Variants in UNC5B observed in about 807,000 individuals in gnomAD.
UNC5B encodes netrin receptor UNC5B.
UNC5B carries 56 observed loss-of-function variants against 103.7 expected under a neutral mutation model. The observed-to-expected ratio is 0.54, with a 90% CI of 0.44 to 0.67. UNC5B has a LOEUF of 0.67. Ranked by LOEUF, UNC5B falls within the 30% of genes least tolerant of loss-of-function variation. The pLI is 0.00. For synonymous variants in UNC5B, 577 were observed against 542.0 expected (o/e 1.06, Z -0.90); for missense variants, 1,194 against 1,284.5 (o/e 0.93, Z 1.08).
chr10:71,272,262 C>T (rs989576143), intron 1 of UNC5B, among the ~76,000 whole-genome samples: 1 of 152,068 alleles, frequency 6.6e-6, no homozygotes. Context: ...CAGCGTGGGG[C>T]GTTTCTCTGT....
chr10:71,273,994 G>A (rs1204609372), intron 1 of UNC5B, among the ~76,000 whole-genome samples: 2 of 152,218 alleles, frequency 1.3e-5, no homozygotes, highest in African/African-American at 4.8e-5. Flanking sequence ...AAGACAGACT[G>A]GGGGACCAGG....
chr10:71,292,452 T>C lies in UNC5B; in HGVS notation c.1685-15T>C. 6.3e-7 allele frequency: 1 copy of C among 1,579,848 alleles called. No individual in the cohort carries two copies. Among genetic ancestry groups the C allele is most frequent in the East Asian group, 2.3e-5 (1 of 43,974 alleles). On this transcript the variant is annotated splice_polypyrimidine_tract_variant and intron_variant, in intron 10 of 16. Coordinates refer to ENST00000335350, the MANE Select transcript of UNC5B (RefSeq NM_170744.5). ...TAAGCTCCTGGACTCCCTGCTGACT[T>C]CCCTCTCCCCCTAGGGGTCAGCTTG...
chr10:71,222,365 C>T (rs1843470128), intron 1 of UNC5B, among the ~76,000 whole-genome samples: 1 of 152,184 alleles, frequency 6.6e-6, no homozygotes, highest in African/African-American at 2.4e-5. Flanking sequence ...CCAGAGGTGG[C>T]TCACTCTCTG....
rs564733466 is a variant in UNC5B at position 71,290,790 on chromosome 10, C to T, written c.1100-125C>T. 26 of 1,206,456 alleles carry T rather than the reference C, an allele frequency of 2.2e-5. No individual in the cohort carries two copies. The South Asian group carries it at 3.9e-4, about 18-fold the overall frequency. The allele number at this position is 1,206,456 out of a possible 1,614,324, so 74.7% of individuals were successfully genotyped here. A position where few individuals can be genotyped will look rare whatever the true frequency, so the allele number is the denominator to read the frequency against. On this transcript the variant is annotated intron_variant, in intron 8 of 16. Transcript: ENST00000335350. ...GTTGCCAGCCTGTGTAGGCAGGGCT[C>T]AGACTGGAACTCAGCACCGGGCCGG...
chr10:71,259,692 C>T (rs1844370362), intron 1 of UNC5B, among the ~76,000 whole-genome samples: 1 of 152,146 alleles, frequency 6.6e-6, no homozygotes, highest in Non-Finnish European at 1.5e-5. Flanking sequence ...CTGGGAGATT[C>T]CTGTGGATTG....
intron 1 of UNC5B, among the ~76,000 whole-genome samples, chr10:71,224,893 G>A (rs1357686664): frequency 4.6e-5 from 7 of 152,216 alleles, no homozygotes; most frequent in Admixed American, 4.6e-4. Flanking sequence ...GTACAGTAGG[G>A]TTATCCTACA....
chr10:71,255,456 C>T (rs572554704), intron 1 of UNC5B, among the ~76,000 whole-genome samples: 107 of 152,234 alleles, frequency 7.0e-4, no homozygotes, highest in Non-Finnish European at 1.8e-4. Context: ...CAAATGTCAC[C>T]GGCTGTCACT....
At position 71,291,000 on chromosome 10, in the gene UNC5B, G is replaced by C. The variant is rs768579657; in HGVS notation, c.1185G>C (p.Gly395=). ...TCGTGGCAATCCTCATGGCGGTGGG[G>C]GTGGTGGTGTACCGCCGCAACTGCC... ...FVVVAILMAV[G]VVVYRRNCRD... is the part of the protein sequence containing the mutation. Residue 395 remains glycine, a synonymous_variant, in exon 9 of 17, where the codon GGG becomes GGC. Coordinates refer to ENST00000335350, the MANE Select transcript of UNC5B (RefSeq NM_170744.5). 6 of 1,613,956 alleles carry C rather than the reference G, an allele frequency of 3.7e-6. No homozygotes were observed. Among genetic ancestry groups the C allele is most frequent in the Non-Finnish European group, 5.1e-6 (6 of 1,180,014 alleles).
At chr10:71,234,254 C>T (rs965142493) in intron 1 of UNC5B, among the ~76,000 whole-genome samples, 1 of 152,196 alleles carries the variant, frequency 6.6e-6, no homozygotes. Context: ...TGCCCTTGGC[C>T]CGCACTTGAC....
At chr10:71,296,104 C>A (rs1845405602) in intron 14 of UNC5B, 144 bp downstream of exon 14, 18 of 1,235,762 alleles carry the variant, frequency 1.5e-5, no homozygotes, top group Non-Finnish European at 2.0e-5. Context: ...TCCTCCCACC[C>A]CAGTCTCTAG....
At chr10:71,267,185 C>G (rs1185271901) in intron 1 of UNC5B, among the ~76,000 whole-genome samples, 2 of 152,216 alleles carry the variant, frequency 1.3e-5, no homozygotes, top group South Asian at 2.1e-4. Flanking sequence ...TTCCAACAGC[C>G]CTGTCAGTCA....
chr10:71,225,034 T>G (rs975806909), intron 1 of UNC5B, among the ~76,000 whole-genome samples: 9 of 152,144 alleles, frequency 5.9e-5, no homozygotes, highest in East Asian at 5.8e-4. Context: ...TGCCTTGTTA[T>G]ACACATTTGG....
intron 1 of UNC5B, among the ~76,000 whole-genome samples, chr10:71,243,471 A>G (rs552324653): frequency 1.2e-4 from 19 of 152,334 alleles, no homozygotes; most frequent in African/African-American, 4.6e-4. Context: ...AGGGTGATGA[A>G]GGAACTGAAC....
intron 13 of UNC5B, among the ~76,000 whole-genome samples, chr10:71,294,955 G>A (rs1466325672): frequency 6.6e-6 from 1 of 152,164 alleles, no homozygotes; most frequent in Non-Finnish European, 1.5e-5. Context: ...TTGGCCGTGT[G>A]TGAGCCCCTT....
chr10:71,290,846 C>A (rs1478896006), intron 8 of UNC5B, 69 bp from the exon 9 acceptor site: 13 of 1,518,996 alleles, frequency 8.6e-6, no homozygotes, highest in African/African-American at 1.4e-5. Flanking sequence ...TTCCAGGGAC[C>A]CAGGGCCTCC....
At chr10:71,280,159 C>A in intron 2 of UNC5B, 114 bp downstream of exon 2, 1 of 1,194,704 alleles carries the variant, frequency 8.4e-7, no homozygotes. Flanking sequence ...TAGCATTTCC[C>A]CAAGTGCTGG....
intron 1 of UNC5B, among the ~76,000 whole-genome samples, chr10:71,278,677 G>A (rs1251835661): frequency 6.6e-6 from 1 of 152,234 alleles, no homozygotes; most frequent in Non-Finnish European, 1.5e-5. Flanking sequence ...GAGAACAAGT[G>A]CACGATCCCA....
chr10:71,285,459 C>T lies in UNC5B; in HGVS notation c.552+30C>T, dbSNP rs749618376. Reference sequence around the variant, plus strand: ...GCGGGGACGTAGGGACCACTGAGCACGGCCCTGTGGCCATGCCTGCAGAAG... The same window carrying T: ...GCGGGGACGTAGGGACCACTGAGCATGGCCCTGTGGCCATGCCTGCAGAAG... On this transcript the variant is annotated intron_variant, in intron 4 of 16. Coordinates refer to ENST00000335350, the MANE Select transcript of UNC5B (RefSeq NM_170744.5). 50 of 1,538,402 alleles carry T rather than the reference C, an allele frequency of 3.3e-5. No individual in the cohort carries two copies. In the African/African-American group the frequency reaches 4.5e-4, roughly 14 times the overall value.
At chr10:71,216,938 T>A (rs1843342137) in intron 1 of UNC5B, among the ~76,000 whole-genome samples, 1 of 152,068 alleles carries the variant, frequency 6.6e-6, no homozygotes, top group African/African-American at 2.4e-5. Flanking sequence ...ACCCTCAGAG[T>A]TGGGGTTGGG....
Sources: gnomAD v4.1 joint callset for allele counts (sites outside exome capture counted in the v4.1 genomes callset) on GRCh38, gnomAD v4.1.1 for gene constraint, MANE v1.5 for transcripts, NCBI Gene and HGNC (gene_info 2026-07-23, HGNC 2026-07-21) for gene names.